Variants in SKA3 observed in about 807,000 individuals in gnomAD.
The protein encoded by SKA3 is spindle and kinetochore associated complex subunit 3.
SKA3 carries 39 observed loss-of-function variants against 44.2 expected under a neutral mutation model. That is an observed-to-expected ratio of 0.88 (90% CI 0.68 to 1.15). The LOEUF (loss-of-function observed/expected upper bound fraction) is 1.15. Ranked by LOEUF, SKA3 falls within the 50% of genes most tolerant of loss-of-function variation. SKA3 has a pLI of 0.00. For missense variants in SKA3, 511 were observed against 485.8 expected (o/e 1.05, Z -0.49); for synonymous variants, 192 against 172.0 (o/e 1.12, Z -0.91).
chr13:21,154,952 C>T lies in SKA3; in HGVS notation c.*198G>A. ...CCTTAAAGAGTGAATGACTGGGCTA[C>T]ATGTCAACAAGACTAAGGTTAAACC... On this transcript the variant is annotated 3_prime_UTR_variant, in exon 9 of 9. Coordinates refer to ENST00000314759, the MANE Select transcript of SKA3 (RefSeq NM_145061.6). The T allele has an allele frequency of 1.2e-6, 1 of 826,022 alleles. No homozygotes were observed. 51.2% of individuals were successfully genotyped at this position (826,022 alleles called of 1,614,324 possible).
In SKA3 at chr13:21,157,964, A is replaced by G; in HGVS notation, c.1077T>C (p.Pro359=). The G allele has an allele frequency of 6.2e-7, 1 of 1,612,152 alleles. No individual in the cohort carries two copies. The highest frequency in any genetic ancestry group is 8.5e-7 in the Non-Finnish European group (1 of 1,178,750). Residue 359 remains proline (P), a synonymous_variant, in exon 7 of 9, where the codon CCT becomes CCC. Transcript: ENST00000314759. ...ISSYENLLRT[P]TPPEVTKIPE... ...GAATTTTAGTTACTTCCGGAGGTGT[A>G]GGTGTTCTGAGCAGATTCTCATAAG... is the stretch of plus-strand genomic sequence containing the variant.
intron 3 of SKA3, among the ~76,000 whole-genome samples, chr13:21,170,566 T>C (rs1162360443): frequency 2.0e-5 from 3 of 152,266 alleles, no homozygotes; most frequent in Non-Finnish European, 4.4e-5. Context: ...TCATAGTTTT[T>C]GTTCCTTTGA....
chr13:21,175,300 C>T (rs1477007279), intron 1 of SKA3, among the ~76,000 whole-genome samples: 2 of 143,104 alleles, frequency 1.4e-5, no homozygotes, highest in Non-Finnish European at 3.0e-5. Flanking sequence ...CTTTTTGAGA[C>T]GGACTCTTGC....
At position 21,168,132 on chromosome 13, in the gene SKA3, A is replaced by G; in HGVS notation, c.599T>C (p.Val200Ala). 1.2e-6 allele frequency: 2 copies of G among 1,614,158 alleles called. No individual in the cohort carries two copies. Among genetic ancestry groups the G allele is most frequent in the Non-Finnish European group, 1.7e-6 (2 of 1,180,030 alleles). The part of the protein sequence containing the change: ...TPPTKQSLVK[V>A]LKTPKCALKM... ...TAGTGCACATTTTGGAGTTTTTAGT[A>G]CTTTTACTAGTGATTGTTTGGTAGG... The change falls in exon 4 of 9, where the codon GTA becomes GCA. Residue 200 changes from valine to alanine, a missense_variant. By Grantham distance (64) the Val-to-Ala change is moderately conservative (BLOSUM62 0). Coordinates refer to ENST00000314759, the MANE Select transcript of SKA3 (RefSeq NM_145061.6).
chr13:21,156,148 C>T (rs1238331560), intron 7 of SKA3, among the ~76,000 whole-genome samples: 1 of 143,258 alleles, frequency 7.0e-6, no homozygotes, highest in African/African-American at 2.6e-5. Context: ...GATCATGTCA[C>T]TGCACTCCAG....
intron 5 of SKA3, 128 bp from the exon 6 acceptor site, chr13:21,160,115 G>A: frequency 1.8e-6 from 1 of 548,568 alleles, no homozygotes; most frequent in Non-Finnish European, 3.1e-6. Flanking sequence ...GGATGCAAGA[G>A]TAATACACAA....
In SKA3 at chr13:21,172,449, T is replaced by A; in HGVS notation, c.221A>T (p.Asp74Val). The A allele has an allele frequency of 6.3e-7, 1 of 1,592,054 alleles. No individual in the cohort carries two copies. Among genetic ancestry groups the A allele is most frequent in the South Asian group, 1.2e-5 (1 of 86,746 alleles). The change falls in exon 3 of 9, where the codon GAT (aspartate) becomes GTT (valine). Residue 74 changes from aspartate to valine, a missense_variant. By Grantham distance (152) the Asp-to-Val change is radical. Coordinates refer to ENST00000314759, the MANE Select transcript of SKA3 (RefSeq NM_145061.6). Reference sequence around the variant, plus strand: ...TAGTACTTTTGTTGCCTTTATGAAATCAATGCCTTCTTGATTTTCCAATCT... The same window carrying A: ...TAGTACTTTTGTTGCCTTTATGAAAACAATGCCTTCTTGATTTTCCAATCT... ...KARLENQEGI[D>V]FIKATKVLME...
At chr13:21,167,789 A>C (rs1870796629) in intron 4 of SKA3, among the ~76,000 whole-genome samples, 199 bp downstream of exon 4, 1 of 151,680 alleles carries the variant, frequency 6.6e-6, no homozygotes, top group Non-Finnish European at 1.5e-5. Context: ...CAAAAAAAAA[A>C]ACCAAAAAAA....
intron 7 of SKA3, 99 bp from the exon 8 acceptor site, chr13:21,155,910 G>A (rs1168277165): frequency 2.2e-5 from 13 of 604,108 alleles, no homozygotes; most frequent in Non-Finnish European, 3.0e-5. Context: ...GCTATGGGGC[G>A]GGCATGGTGG....
chr13:21,155,003 T>C lies in SKA3; in HGVS notation c.*147A>G. On this transcript the variant is annotated 3_prime_UTR_variant, in exon 9 of 9. Coordinates refer to ENST00000314759, the MANE Select transcript of SKA3 (RefSeq NM_145061.6). The stretch of plus-strand genomic sequence containing the variant: ...TTATTGAAACTTCATAAAAAGCATA[T>C]TATGATGTTAATGTTCATGTTTGTC... 7.6e-7 allele frequency: 1 copy of C among 1,307,610 alleles called. No homozygotes were observed. The highest frequency in any genetic ancestry group is 1.1e-6 in the Non-Finnish European group (1 of 929,448). The allele number at this position is 1,307,610 out of a possible 1,614,324, so 81.0% of individuals were successfully genotyped here.
Position 21,159,971 on chromosome 13 carries a change from G to A in SKA3, c.846C>T (p.Asn282=), listed in dbSNP as rs745820554. Residue 282 remains asparagine (N), a synonymous_variant, in exon 6 of 9, where the codon AAC becomes AAT. Transcript: ENST00000314759. ...QLEKSDAEYT[N]SPLVPTFCTP... ...TACAGAATGTAGGTACCAAAGGAGA[G>A]TTGGTATATTCGGCATCTAAAAGAC... The A allele has an allele frequency of 6.2e-7, 1 of 1,605,762 alleles. No individual in the cohort carries two copies. Among genetic ancestry groups the A allele is most frequent in the East Asian group, 2.3e-5 (1 of 44,368 alleles).
At chr13:21,168,451 C>T (rs759206743) in intron 3 of SKA3, 52 bp from the exon 4 acceptor site, 15 of 1,314,212 alleles carry the variant, frequency 1.1e-5, no homozygotes, top group Admixed American at 8.8e-5. Context: ...GAAAATTTCA[C>T]GTTTACAAAA....
In SKA3 at chr13:21,172,358, T is replaced by A; in HGVS notation, c.312A>T (p.Pro104=). 6.4e-7 allele frequency: 1 copy of A among 1,561,820 alleles called. No individual in the cohort carries two copies. Among genetic ancestry groups the A allele is most frequent in the East Asian group, 2.3e-5 (1 of 43,690 alleles). The change falls in exon 3 of 9, where the codon CCA becomes CCT. Residue 104 remains proline (P), a synonymous_variant. Transcript: ENST00000314759. ...TCAAACCTGAATTTTTCTTGACACGTGGACTATATCCATACTTCTGGAAAT... is the reference window on the plus strand; with the variant it reads ...TCAAACCTGAATTTTTCTTGACACGAGGACTATATCCATACTTCTGGAAAT... ...REYFQKYGYS[P]RVKKNSVHEQ...
chr13:21,173,957 C>T (rs1337656364), intron 1 of SKA3, among the ~76,000 whole-genome samples: 1 of 152,198 alleles, frequency 6.6e-6, no homozygotes, highest in Non-Finnish European at 1.5e-5. Flanking sequence ...TTCACACTCC[C>T]ACCAGCAGTG....
Position 21,161,878 on chromosome 13 carries a change from G to GCTTTTTTAA in SKA3, c.744-4_744-3insTTAAAAAAG. On this transcript the variant is annotated splice_region_variant and splice_polypyrimidine_tract_variant and intron_variant, in intron 4 of 8. Transcript: ENST00000314759. ...ATTCTGTATCTATGGCCTCCTCACT[G>GCTTTTTTAA]GTGTGATTCATAGGGAAATTACAAG... is the stretch of plus-strand genomic sequence containing the variant. 1 of 1,277,872 alleles carries GCTTTTTTAA rather than the reference G, an allele frequency of 7.8e-7. No individual in the cohort carries two copies. Among genetic ancestry groups the GCTTTTTTAA allele is most frequent in the Non-Finnish European group, 1.0e-6 (1 of 965,372 alleles). 79.2% of individuals were successfully genotyped at this position (1,277,872 alleles called of 1,614,324 possible). A position where few individuals can be genotyped will look rare whatever the true frequency, so the allele number is the denominator to read the frequency against.
intron 5 of SKA3, 42 bp downstream of exon 5, chr13:21,161,748 G>A: frequency 8.9e-7 from 1 of 1,119,954 alleles, no homozygotes. Context: ...AAGATAGTTT[G>A]GGAAAAATGT....
At chr13:21,165,938 C>G (rs1395586609) in intron 4 of SKA3, among the ~76,000 whole-genome samples, 2 of 151,932 alleles carry the variant, frequency 1.3e-5, no homozygotes, top group Admixed American at 1.3e-4. Flanking sequence ...TGTCTCAAAA[C>G]AATAACATGA....
intron 4 of SKA3, 49 bp from the exon 5 acceptor site, chr13:21,161,924 ATCTCTGGG>A: frequency 2.2e-6 from 3 of 1,389,088 alleles, no homozygotes; most frequent in Admixed American, 4.0e-5. Context: ...TTAACATTCA[ATCTCTGGG>A]AAAAAAATTT....
chr13:21,161,818 G>A lies in SKA3; in HGVS notation c.801C>T (p.Ser267=). ...TTTTTTCCAACTGCTGGATGATGGG[G>A]CTGGGAGTGGCAAAAACATTATCAT... ...RLNDNVFATP[S]PIIQQLEKSD... The change falls in exon 5 of 9, where the codon AGC becomes AGT. Residue 267 remains serine, a synonymous_variant. Coordinates refer to ENST00000314759, the MANE Select transcript of SKA3 (RefSeq NM_145061.6). The A allele has an allele frequency of 6.2e-7, 1 of 1,612,266 alleles. No homozygotes were observed. Among genetic ancestry groups the A allele is most frequent in the Non-Finnish European group, 8.5e-7 (1 of 1,178,858 alleles).
Sources: allele counts gnomAD v4.1 joint callset (sites outside exome capture counted in the v4.1 genomes callset), GRCh38; gene constraint gnomAD v4.1.1; transcripts MANE v1.5; gene names NCBI Gene and HGNC (gene_info 2026-07-23, HGNC 2026-07-21).